The following GHR variants were observed in gnomAD, a reference collection of about 807,000 sequenced individuals.
GHR encodes growth hormone receptor.
GHR carries 35 observed loss-of-function variants against 67.1 expected under a neutral mutation model. The observed-to-expected ratio is 0.52, with a 90% CI of 0.40 to 0.69. The LOEUF (loss-of-function observed/expected upper bound fraction) is 0.69. GHR is among the 30% of genes least tolerant of loss of function. The pLI, the probability that GHR is intolerant of heterozygous loss-of-function variation, is 0.00. For missense variants in GHR, 792 were observed against 764.6 expected (o/e 1.04, Z -0.42); for synonymous variants, 272 against 269.1 (o/e 1.01, Z -0.10).
intron 1 of GHR, chr5:42,467,240 T>C: frequency 7.1e-7 from 1 of 1,399,638 alleles, no homozygotes; most frequent in Non-Finnish European, 1.0e-6. Flanking sequence ...GCAGTGTGAA[T>C]TATCTGGTAC....
chr5:42,462,623 T>C (rs971005744), intron 1 of GHR, among the ~76,000 whole-genome samples: 2 of 152,160 alleles, frequency 1.3e-5, no homozygotes. Flanking sequence ...AGCAATTTTC[T>C]TTTTTTGTTT....
In GHR at chr5:42,657,634, C is replaced by A. The variant is rs576857921; in HGVS notation, c.136+28531C>A. Among the ~76,000 whole-genome samples the A allele has an allele frequency of 7.9e-5, 12 of 152,292 alleles. No homozygotes were observed. In the South Asian group the frequency reaches 2.5e-3, roughly 32 times the overall value. On this transcript the variant is annotated intron_variant, in intron 3 of 9. Coordinates refer to ENST00000230882, the MANE Select transcript of GHR (RefSeq NM_000163.5). ...ATAATGGGAATTTAGAAGTATAATA[C>A]CTGTTATAATCAACTTCCTAATCTC...
intron 1 of GHR, among the ~76,000 whole-genome samples, chr5:42,512,502 C>T (rs1031332761): frequency 6.6e-6 from 1 of 152,146 alleles, no homozygotes; most frequent in Non-Finnish European, 1.5e-5. Flanking sequence ...ACCTTTCTCA[C>T]CTGATCCCTC....
intron 1 of GHR, among the ~76,000 whole-genome samples, chr5:42,442,893 C>T (rs186712020): frequency 1.2e-4 from 19 of 152,348 alleles, no homozygotes; most frequent in African/African-American, 4.3e-4. Context: ...TTCCCTGACT[C>T]ATTCTCCCTG....
chr5:42,665,344 A>G (rs996678900), intron 3 of GHR, among the ~76,000 whole-genome samples: 8 of 152,178 alleles, frequency 5.3e-5, no homozygotes, highest in Admixed American at 3.3e-4. Context: ...CTTGGAACCA[A>G]CCCGAATGTC....
chr5:42,435,036 C>G (rs1424504697), intron 1 of GHR, among the ~76,000 whole-genome samples: 1 of 152,184 alleles, frequency 6.6e-6, no homozygotes, highest in African/African-American at 2.4e-5. Context: ...AGCAATGAGT[C>G]AAAATAGTGC....
At chr5:42,636,435 G>T (rs1221028820) in intron 3 of GHR, among the ~76,000 whole-genome samples, 1 of 152,122 alleles carries the variant, frequency 6.6e-6, no homozygotes, top group South Asian at 2.1e-4. Flanking sequence ...GAAAGTTAAA[G>T]CATCCAACAG....
chr5:42,596,057 G>A (rs1322314630), intron 2 of GHR, among the ~76,000 whole-genome samples: 1 of 152,214 alleles, frequency 6.6e-6, no homozygotes, highest in Admixed American at 6.5e-5. Flanking sequence ...AAGTTCTGGT[G>A]CTACATATAG....
intron 1 of GHR, among the ~76,000 whole-genome samples, chr5:42,542,631 A>G (rs1748565655): frequency 6.6e-6 from 1 of 152,250 alleles, no homozygotes. Flanking sequence ...AATTTTATAC[A>G]TGTATATTTC....
chr5:42,684,827 A>G (rs1757060126), intron 3 of GHR, among the ~76,000 whole-genome samples: 1 of 152,182 alleles, frequency 6.6e-6, no homozygotes, highest in Non-Finnish European at 1.5e-5. Context: ...CCAGGGCTAA[A>G]GACATATTTG....
intron 3 of GHR, among the ~76,000 whole-genome samples, chr5:42,639,881 C>T (rs1754380735): frequency 6.6e-6 from 1 of 152,052 alleles, no homozygotes; most frequent in Non-Finnish European, 1.5e-5. Context: ...AAAGTAGAAG[C>T]TTAAATAATG....
intron 1 of GHR, among the ~76,000 whole-genome samples, chr5:42,515,518 G>GTAA (rs1401828253): frequency 6.6e-6 from 1 of 152,226 alleles, no homozygotes; most frequent in Non-Finnish European, 1.5e-5. Context: ...GGAAAGAAGA[G>GTAA]TAATGGTCGA....
At chr5:42,479,001 G>A (rs951146485) in intron 1 of GHR, among the ~76,000 whole-genome samples, 2 of 152,184 alleles carry the variant, frequency 1.3e-5, no homozygotes, top group Non-Finnish European at 2.9e-5. Flanking sequence ...TGCCCATTCA[G>A]TATGATATTG....
At chr5:42,491,251 A>T (rs958395070) in intron 1 of GHR, among the ~76,000 whole-genome samples, 1 of 152,216 alleles carries the variant, frequency 6.6e-6, no homozygotes, top group African/African-American at 2.4e-5. Context: ...GTAGAGGTAT[A>T]CTCAGAAAAT....
chr5:42,502,968 G>A (rs1007163176), intron 1 of GHR, among the ~76,000 whole-genome samples: 4 of 152,062 alleles, frequency 2.6e-5, no homozygotes, highest in Admixed American at 2.6e-4. Flanking sequence ...ACTGGGAGAT[G>A]AGGACATCAC....
intron 2 of GHR, among the ~76,000 whole-genome samples, chr5:42,598,151 A>G (rs980116949): frequency 6.6e-6 from 1 of 152,126 alleles, no homozygotes; most frequent in Non-Finnish European, 1.5e-5. Flanking sequence ...AGCAAGGTAG[A>G]CAAAGTGTAG....
At chr5:42,702,888 C>A (rs1196897885) in intron 6 of GHR, among the ~76,000 whole-genome samples, 1 of 151,926 alleles carries the variant, frequency 6.6e-6, no homozygotes, top group Admixed American at 6.6e-5. Flanking sequence ...TATTCAGGTC[C>A]TTTGCCCATT....
chr5:42,562,003 G>A (rs1749633596), intron 1 of GHR, among the ~76,000 whole-genome samples: 1 of 152,020 alleles, frequency 6.6e-6, no homozygotes, highest in South Asian at 2.1e-4. Flanking sequence ...TGGGCAAAAA[G>A]GGCTTGGCAG....
At chr5:42,702,157 CCTA>C (rs1347834874) in intron 6 of GHR, among the ~76,000 whole-genome samples, 3 of 151,950 alleles carry the variant, frequency 2.0e-5, no homozygotes, top group Non-Finnish European at 4.4e-5. Flanking sequence ...TAAACTCATT[CCTA>C]CTAACTGAAA....
Sources: gnomAD v4.1 joint callset for allele counts (sites outside exome capture counted in the v4.1 genomes callset) on GRCh38, gnomAD v4.1.1 for gene constraint, MANE v1.5 for transcripts, NCBI Gene and HGNC (gene_info 2026-07-23, HGNC 2026-07-21) for gene names.